Variants in ADAM12 observed in about 807,000 individuals in gnomAD.
ADAM12 encodes ADAM metallopeptidase domain 12.
A neutral mutation model predicts 106.4 loss-of-function variants in ADAM12; 70 were observed. That is an observed-to-expected ratio of 0.66 (90% CI 0.54 to 0.80). The LOEUF (loss-of-function observed/expected upper bound fraction) is 0.80. Among genes scored for constraint, ADAM12 ranks in the 30% least tolerant of loss-of-function variants. The pLI is 0.00. For synonymous variants in ADAM12, 420 were observed against 433.5 expected (o/e 0.97, Z 0.39); for missense variants, 1,010 against 1,171.9 (o/e 0.86, Z 2.02).
intron 10 of ADAM12, among the ~76,000 whole-genome samples, chr10:126,097,801 C>T (rs902221178): frequency 6.6e-6 from 1 of 152,168 alleles, no homozygotes; most frequent in Non-Finnish European, 1.5e-5. Context: ...ACATTCATAA[C>T]GAGACCCAAA....
intron 2 of ADAM12, among the ~76,000 whole-genome samples, chr10:126,294,853 CATT>C (rs1488341674): frequency 1.3e-5 from 2 of 151,906 alleles, no homozygotes; most frequent in Admixed American, 6.6e-5. Context: ...ATTTCTGATG[CATT>C]ATTAACTAGA....
intron 4 of ADAM12, among the ~76,000 whole-genome samples, chr10:126,137,606 T>C (rs1956429504): frequency 6.6e-6 from 1 of 152,210 alleles, no homozygotes; most frequent in African/African-American, 2.4e-5. Flanking sequence ...GATTTGCCCG[T>C]TCTGTTATTT....
At chr10:126,362,588 T>C (rs1320149056) in intron 1 of ADAM12, among the ~76,000 whole-genome samples, 1 of 152,138 alleles carries the variant, frequency 6.6e-6, no homozygotes, top group African/African-American at 2.4e-5. Flanking sequence ...ATGTAGTATA[T>C]ATACAAATGG....
At chr10:126,183,440 G>A (rs1434334876) in intron 3 of ADAM12, among the ~76,000 whole-genome samples, 1 of 152,000 alleles carries the variant, frequency 6.6e-6, no homozygotes, top group Admixed American at 6.6e-5. Flanking sequence ...AAAACACCTC[G>A]CCCCAGTCCC....
At position 126,348,795 on chromosome 10, in the gene ADAM12, T is replaced by C. The variant is rs140565453; in HGVS notation, c.89-18286A>G. Among the ~76,000 whole-genome samples, 357 of 152,318 alleles carry C rather than the reference T, an allele frequency of 2.3e-3. 8 individuals carry two copies. In the South Asian group the frequency reaches 0.024, roughly 10 times the overall value. ...AATGATCAAATTTAGCAAATCAAAATATAGAACTTCCAGTTGAATCTAATT... is the reference window on the plus strand; with the variant it reads ...AATGATCAAATTTAGCAAATCAAAACATAGAACTTCCAGTTGAATCTAATT... On this transcript the variant is annotated intron_variant, in intron 1 of 22. Transcript: ENST00000448723.
chr10:126,045,421 TTAAAA>T (rs1212255876), intron 17 of ADAM12, among the ~76,000 whole-genome samples: 1 of 152,178 alleles, frequency 6.6e-6, no homozygotes, highest in African/African-American at 2.4e-5. Context: ...TCTACAAGTT[TTAAAA>T]TAAAGAATTT....
chr10:126,362,867 AT>A (rs1156945995), intron 1 of ADAM12, among the ~76,000 whole-genome samples: 2 of 152,184 alleles, frequency 1.3e-5, no homozygotes, highest in Admixed American at 1.3e-4. Context: ...TTTGAGATCT[AT>A]TGCACAGTGA....
chr10:126,121,780 A>T (rs1280157065), intron 5 of ADAM12, among the ~76,000 whole-genome samples: 1 of 152,100 alleles, frequency 6.6e-6, no homozygotes, highest in Non-Finnish European at 1.5e-5. Context: ...ATTCGTAGGT[A>T]GTATTTAACA....
At chr10:126,182,797 C>T (rs1297443362) in intron 3 of ADAM12, among the ~76,000 whole-genome samples, 5 of 152,214 alleles carry the variant, frequency 3.3e-5, no homozygotes, top group African/African-American at 7.2e-5. Flanking sequence ...GTCTAATTCT[C>T]GGGACTATGG....
intron 5 of ADAM12, among the ~76,000 whole-genome samples, chr10:126,133,508 G>C (rs909231412): frequency 2.0e-5 from 3 of 152,128 alleles, no homozygotes; most frequent in African/African-American, 7.2e-5. Flanking sequence ...CCTCTTACCA[G>C]AGTTACTCTG....
intron 3 of ADAM12, among the ~76,000 whole-genome samples, chr10:126,204,934 G>C (rs1957768806): frequency 6.6e-6 from 1 of 152,202 alleles, no homozygotes; most frequent in African/African-American, 2.4e-5. Flanking sequence ...GAATGGGCAT[G>C]AGAACCACGT....
At chr10:126,143,454 G>C (rs1956561344) in intron 4 of ADAM12, among the ~76,000 whole-genome samples, 1 of 149,718 alleles carries the variant, frequency 6.7e-6, no homozygotes, top group Non-Finnish European at 1.5e-5. Context: ...TGGTGTGCAT[G>C]TGTGTGTATA....
At chr10:126,095,376 T>C (rs1466381493) in intron 10 of ADAM12, among the ~76,000 whole-genome samples, 2 of 151,442 alleles carry the variant, frequency 1.3e-5, no homozygotes, top group African/African-American at 2.4e-5. Flanking sequence ...CTACTAAAAA[T>C]ACAAAAAACT....
intron 3 of ADAM12, among the ~76,000 whole-genome samples, chr10:126,177,106 T>C (rs1046874965): frequency 1.3e-5 from 2 of 152,138 alleles, no homozygotes; most frequent in East Asian, 3.9e-4. Context: ...ATTATTCATT[T>C]ATGGCTGTAC....
chr10:126,312,362 C>T (rs1185527379), intron 2 of ADAM12, among the ~76,000 whole-genome samples: 1 of 152,202 alleles, frequency 6.6e-6, no homozygotes, highest in Non-Finnish European at 1.5e-5. Flanking sequence ...GTTCTGTCTT[C>T]CACAAGCTCC....
chr10:126,329,567 G>A (rs544964186), intron 2 of ADAM12, among the ~76,000 whole-genome samples: 80 of 152,138 alleles, frequency 5.3e-4, no homozygotes, highest in Admixed American at 8.5e-4. Context: ...TGCACATTTG[G>A]CATTTGGGCC....
chr10:126,274,703 AGCCCT>A (rs1324423410), intron 3 of ADAM12, among the ~76,000 whole-genome samples: 1 of 152,200 alleles, frequency 6.6e-6, no homozygotes, highest in Non-Finnish European at 1.5e-5. Context: ...CCATGCACAC[AGCCCT>A]AAGGCCACCG....
chr10:126,250,608 G>T (rs906178471), intron 3 of ADAM12, among the ~76,000 whole-genome samples: 1 of 152,150 alleles, frequency 6.6e-6, no homozygotes, highest in Admixed American at 6.5e-5. Flanking sequence ...CCGCAATGGG[G>T]ACAAAACACT....
chr10:126,303,375 T>C (rs1960706975), intron 2 of ADAM12, among the ~76,000 whole-genome samples: 1 of 152,192 alleles, frequency 6.6e-6, no homozygotes, highest in African/African-American at 2.4e-5. Context: ...TTTTATTAAA[T>C]TGGTTGTTTG....
Sources: allele counts gnomAD v4.1 joint callset (sites outside exome capture counted in the v4.1 genomes callset), GRCh38; gene constraint gnomAD v4.1.1; transcripts MANE v1.5; gene names NCBI Gene and HGNC (gene_info 2026-07-23, HGNC 2026-07-21).